The following HPSE2 variants were observed in gnomAD, a reference collection of about 807,000 sequenced individuals.
HPSE2 encodes the protein heparanase 2 (inactive), also known as inactive heparanase-2.
A neutral mutation model predicts 60.5 loss-of-function variants in HPSE2; 38 were observed. The ratio of observed to expected loss-of-function variants is 0.63; its 90% confidence interval spans 0.48 to 0.82. The LOEUF (loss-of-function observed/expected upper bound fraction) is 0.82. Ranked by LOEUF, HPSE2 falls within the 40% of genes least tolerant of loss-of-function variation. The pLI is 0.00. For missense variants in HPSE2, 713 were observed against 740.4 expected, an observed-to-expected ratio of 0.96 and a Z score of 0.43; for synonymous variants, 295 against 293.2, an observed-to-expected ratio of 1.01 and a Z score of -0.06.
At chr10:98,567,787 A>T (rs568469080) in intron 9 of HPSE2, among the ~76,000 whole-genome samples, 4 of 151,928 alleles carry the variant, frequency 2.6e-5, no homozygotes, top group Non-Finnish European at 5.9e-5. Context: ...ATGTAAGTGT[A>T]CCAAATTGTG....
intron 9 of HPSE2, among the ~76,000 whole-genome samples, chr10:98,603,605 A>AT (rs1945495578): frequency 6.6e-6 from 1 of 151,520 alleles, no homozygotes; most frequent in South Asian, 2.1e-4. Context: ...AATTTTTTGT[A>AT]TTTTAGTAGT....
At chr10:99,229,093 C>T (rs1346608203) in intron 2 of HPSE2, among the ~76,000 whole-genome samples, 1 of 151,706 alleles carries the variant, frequency 6.6e-6, no homozygotes, top group African/African-American at 2.4e-5. Context: ...GAAAATCACT[C>T]TACCTGGGAG....
At chr10:98,553,346 G>A (rs534919202) in intron 9 of HPSE2, among the ~76,000 whole-genome samples, 1 of 152,306 alleles carries the variant, frequency 6.6e-6, no homozygotes, top group African/African-American at 2.4e-5. Context: ...GATACTTTAT[G>A]TGTTATCTTA....
intron 5 of HPSE2, among the ~76,000 whole-genome samples, chr10:98,708,253 A>G (rs1017347512): frequency 2.6e-5 from 4 of 152,052 alleles, no homozygotes; most frequent in Non-Finnish European, 5.9e-5. Context: ...TCAGGAGATC[A>G]AGACTATCCT....
chr10:98,721,188 C>T (rs1359281080), intron 5 of HPSE2, among the ~76,000 whole-genome samples: 1 of 151,376 alleles, frequency 6.6e-6, no homozygotes, highest in Non-Finnish European at 1.5e-5. Flanking sequence ...TAGCAATTCT[C>T]TAGAATATCT....
chr10:99,054,778 T>C (rs754095901), intron 3 of HPSE2, among the ~76,000 whole-genome samples: 21 of 152,216 alleles, frequency 1.4e-4, no homozygotes, highest in Non-Finnish European at 2.8e-4. Flanking sequence ...TTGTGTAATC[T>C]TGGCTCACTG....
intron 9 of HPSE2, among the ~76,000 whole-genome samples, chr10:98,572,481 ACACGCT>A (rs1226247908): frequency 1.5e-4 from 23 of 152,058 alleles, no homozygotes; most frequent in Non-Finnish European, 1.6e-4. Flanking sequence ...CCTGATCCAC[ACACGCT>A]CATGTGCATT....
At chr10:98,652,322 T>C (rs1384147229) in intron 6 of HPSE2, among the ~76,000 whole-genome samples, 1 of 152,142 alleles carries the variant, frequency 6.6e-6, no homozygotes, top group East Asian at 1.9e-4. Flanking sequence ...GATCTTTTGG[T>C]TCCCCCAAGC....
chr10:99,014,018 G>T, intron 3 of HPSE2: 1 of 285,474 alleles, frequency 3.5e-6, no homozygotes, highest in South Asian at 3.1e-5. Context: ...AGGCTAAGGG[G>T]GTGGCAGAGA....
intron 3 of HPSE2, among the ~76,000 whole-genome samples, chr10:99,052,463 T>C (rs902839258): frequency 6.7e-6 from 1 of 149,260 alleles, no homozygotes; most frequent in Non-Finnish European, 1.5e-5. Context: ...GTAATTAGAA[T>C]CTCAAAAAGA....
At chr10:99,264,981 T>C in the HPSE2 span, among the ~76,000 whole-genome samples, 2 of 152,106 alleles carry the variant, frequency 1.3e-5, no homozygotes, top group Non-Finnish European at 1.5e-5. Flanking sequence ...TTCTTATTAA[T>C]ATAAGAAGAC....
chr10:98,480,949 C>T (rs928117505), intron 11 of HPSE2, among the ~76,000 whole-genome samples: 2 of 152,158 alleles, frequency 1.3e-5, no homozygotes, highest in Admixed American at 6.5e-5. Context: ...GTTTCACAGA[C>T]GAGGAAACTG....
intron 3 of HPSE2, among the ~76,000 whole-genome samples, chr10:98,996,229 G>T (rs1008761964): frequency 1.1e-4 from 16 of 152,098 alleles, no homozygotes; most frequent in African/African-American, 3.4e-4. Flanking sequence ...ATGAAAAGTT[G>T]AGTGAAGGTT....
At chr10:99,115,376 G>A (rs922679016) in intron 3 of HPSE2, among the ~76,000 whole-genome samples, 5 of 151,908 alleles carry the variant, frequency 3.3e-5, no homozygotes, top group African/African-American at 1.2e-4. Flanking sequence ...GGATGGTCTC[G>A]ATCTCCTGAC....
chr10:98,926,518 T>A (rs1282799839), intron 3 of HPSE2, among the ~76,000 whole-genome samples: 2 of 152,178 alleles, frequency 1.3e-5, no homozygotes, highest in East Asian at 3.9e-4. Flanking sequence ...ATATTAGCTT[T>A]TTGGGTAGTA....
the HPSE2 span, among the ~76,000 whole-genome samples, chr10:99,256,416 T>G: frequency 1.9e-4 from 2 of 10,360 alleles, no homozygotes; most frequent in Admixed American, 7.7e-4. Context: ...AACAGGTCCT[T>G]ATGATATGCC....
intron 3 of HPSE2, among the ~76,000 whole-genome samples, chr10:98,943,384 C>T (rs1393728064): frequency 2.0e-5 from 3 of 151,700 alleles, no homozygotes; most frequent in African/African-American, 7.3e-5. Context: ...AAATATATTA[C>T]CTATTAAAAT....
At position 99,099,915 on chromosome 10, in the gene HPSE2, A is replaced by G. The variant is rs182576299; in HGVS notation, c.610+44323T>C. On this transcript the variant is annotated intron_variant, in intron 3 of 11. Transcript: ENST00000370552. ...GTGGACCTCCAGCAAACTCCAGCAGAACTGCAGCTGAGGGTCCTGACTATT... is the reference window on the plus strand; with the variant it reads ...GTGGACCTCCAGCAAACTCCAGCAGGACTGCAGCTGAGGGTCCTGACTATT... Among the ~76,000 whole-genome samples, 10 of 152,350 alleles carry G rather than the reference A, an allele frequency of 6.6e-5. No homozygotes were observed. The East Asian group carries it at 1.9e-3, about 29-fold the overall frequency.
chr10:98,612,118 G>A (rs1187172912), intron 9 of HPSE2, among the ~76,000 whole-genome samples: 1 of 152,192 alleles, frequency 6.6e-6, no homozygotes, highest in Non-Finnish European at 1.5e-5. Flanking sequence ...AGCCTGTCTA[G>A]TCACCCAAAG....
Sources: gnomAD v4.1 joint callset for allele counts (sites outside exome capture counted in the v4.1 genomes callset) on GRCh38, gnomAD v4.1.1 for gene constraint, MANE v1.5 for transcripts, NCBI Gene and HGNC (gene_info 2026-07-23, HGNC 2026-07-21) for gene names.